DOCK1: variants seen among roughly 807,000 people sequenced by gnomAD.
DOCK1 encodes dedicator of cytokinesis 1.
Under a neutral mutation model 262.7 loss-of-function variants are expected in DOCK1, and 138 were observed. That is an observed-to-expected ratio of 0.53 (90% confidence interval 0.46 to 0.61). The LOEUF (loss-of-function observed/expected upper bound fraction) is 0.61. Among genes scored for constraint, DOCK1 ranks in the 20% least tolerant of loss-of-function variants. The pLI is 0.00. For synonymous variants in DOCK1, 866 were observed against 867.4 expected, an observed-to-expected ratio of 1.00 and a Z score of 0.03; for missense variants, 1,908 against 2,370.7, an observed-to-expected ratio of 0.80 and a Z score of 4.05.
chr10:127,335,906 C>T (rs762188248), intron 29 of DOCK1, among the ~76,000 whole-genome samples: 54 of 151,910 alleles, frequency 3.6e-4, no homozygotes, highest in Admixed American at 1.6e-3. Flanking sequence ...TTAGTAGAGA[C>T]GGGGTTTCAC....
At chr10:127,133,866 T>C (rs940706428) in intron 27 of DOCK1, among the ~76,000 whole-genome samples, 63 of 152,350 alleles carry the variant, frequency 4.1e-4, no homozygotes, top group African/African-American at 1.5e-3. Flanking sequence ...TTACTTTCAG[T>C]AAATAAAGTG....
intron 38 of DOCK1, among the ~76,000 whole-genome samples, chr10:127,385,599 G>A (rs1035934761): frequency 2.6e-5 from 4 of 152,038 alleles, no homozygotes; most frequent in Non-Finnish European, 4.4e-5. Flanking sequence ...AGGTACCGAC[G>A]TTCACATCCT....
At chr10:127,064,644 C>A (rs549085099) in intron 23 of DOCK1, among the ~76,000 whole-genome samples, 1 of 152,214 alleles carries the variant, frequency 6.6e-6, no homozygotes, top group Non-Finnish European at 1.5e-5. Context: ...CCCCGCTCCC[C>A]AGGCGCCCGC....
chr10:127,451,225 A>G, intron 51 of DOCK1, 107 bp from the exon 52 acceptor site: 1 of 1,252,178 alleles, frequency 8.0e-7, no homozygotes. Flanking sequence ...TGTGGGGAGG[A>G]TGGTTCCGGC....
intron 50 of DOCK1, 53 bp from the exon 51 acceptor site, chr10:127,447,341 T>A: frequency 6.3e-7 from 1 of 1,578,096 alleles, no homozygotes; most frequent in Non-Finnish European, 8.6e-7. Context: ...TCCCTGAGCA[T>A]TCAGGCTCCG....
chr10:127,224,888 C>T (rs1313543874), intron 27 of DOCK1, among the ~76,000 whole-genome samples: 1 of 151,838 alleles, frequency 6.6e-6, no homozygotes, highest in Non-Finnish European at 1.5e-5. Context: ...AGGGTCAAGA[C>T]GATGGAGCCA....
At position 126,963,627 on chromosome 10, in the gene DOCK1, TC is replaced by T. The variant is rs2037420115; in HGVS notation, c.47-7072del. Among the ~76,000 whole-genome samples the T allele has an allele frequency of 1.0e-3, 43 of 42,128 alleles. 1 individual carries two copies. The highest frequency in any genetic ancestry group is 0.026 in the Middle Eastern group (1 of 38). 27.6% of individuals were successfully genotyped at this position (42,128 alleles called of 152,430 possible). Reference sequence around the variant, plus strand: ...TCCCTTCCCTTCCCTTCCCTTCCCTTCCCTTCCCTTCCCTCCTTCCTTCCTT... The same window carrying T: ...TCCCTTCCCTTCCCTTCCCTTCCCTTCCTTCCCTTCCCTCCTTCCTTCCTT... On this transcript the variant is annotated intron_variant, in intron 1 of 51. Transcript: ENST00000623213.
At chr10:127,165,738 T>C (rs2054015013) in intron 27 of DOCK1, among the ~76,000 whole-genome samples, 1 of 152,142 alleles carries the variant, frequency 6.6e-6, no homozygotes, top group Admixed American at 6.5e-5. Flanking sequence ...CCAGGCAGGT[T>C]CCTCAAGGAG....
intron 1 of DOCK1, among the ~76,000 whole-genome samples, chr10:126,955,760 A>G (rs1034251355): frequency 1.3e-5 from 2 of 152,110 alleles, no homozygotes; most frequent in Non-Finnish European, 2.9e-5. Context: ...CACGTTGCAC[A>G]GGGGCTGTGA....
intron 29 of DOCK1, among the ~76,000 whole-genome samples, chr10:127,308,522 C>T (rs1027273688): frequency 3.3e-5 from 5 of 152,148 alleles, no homozygotes; most frequent in Non-Finnish European, 7.3e-5. Context: ...TACCTATCAA[C>T]CCATCATCTA....
chr10:127,247,172 C>A (rs1306982669), intron 27 of DOCK1, among the ~76,000 whole-genome samples: 1 of 152,212 alleles, frequency 6.6e-6, no homozygotes, highest in Non-Finnish European at 1.5e-5. Flanking sequence ...CTGGCTGCCT[C>A]CATTTGCAAC....
intron 27 of DOCK1, among the ~76,000 whole-genome samples, chr10:127,211,231 G>A (rs2057958067): frequency 6.6e-6 from 1 of 152,144 alleles, no homozygotes; most frequent in Admixed American, 6.5e-5. Context: ...AGTGCAACTT[G>A]CCAGACAGAT....
At chr10:126,967,397 A>G (rs1369988306) in intron 1 of DOCK1, among the ~76,000 whole-genome samples, 2 of 152,208 alleles carry the variant, frequency 1.3e-5, no homozygotes, top group African/African-American at 4.8e-5. Flanking sequence ...TGGGAACCAC[A>G]GCCCTGGACT....
At chr10:126,988,241 A>G (rs2039552924) in intron 5 of DOCK1, 1 of 152,200 alleles carries the variant, frequency 6.6e-6, no homozygotes, top group South Asian at 2.1e-4. Context: ...CTTTGCACAT[A>G]AATTCATATT....
intron 1 of DOCK1, among the ~76,000 whole-genome samples, chr10:126,965,247 C>T (rs2037575739): frequency 6.6e-6 from 1 of 152,022 alleles, no homozygotes; most frequent in Admixed American, 6.6e-5. Flanking sequence ...TAAAGGCAGG[C>T]CTTGTAGACA....
intron 47 of DOCK1, among the ~76,000 whole-genome samples, chr10:127,430,515 C>A (rs889717480): frequency 6.6e-6 from 1 of 152,134 alleles, no homozygotes; most frequent in Non-Finnish European, 1.5e-5. Context: ...GCAGTTGTGT[C>A]CTTCAGTCTT....
chr10:127,319,168 T>C (rs2062413366), intron 29 of DOCK1, among the ~76,000 whole-genome samples: 1 of 152,224 alleles, frequency 6.6e-6, no homozygotes, highest in Non-Finnish European at 1.5e-5. Flanking sequence ...GTGGTGCAAA[T>C]ACTGATCACA....
intron 27 of DOCK1, among the ~76,000 whole-genome samples, chr10:127,200,151 G>A (rs761117382): frequency 2.0e-5 from 3 of 152,170 alleles, no homozygotes; most frequent in Non-Finnish European, 4.4e-5. Flanking sequence ...CAGATCCCAA[G>A]AGAGGGTTCC....
At chr10:127,310,242 G>A (rs1270289444) in intron 29 of DOCK1, among the ~76,000 whole-genome samples, 4 of 151,988 alleles carry the variant, frequency 2.6e-5, no homozygotes. Context: ...ATGAGAGCCT[G>A]TTGTATGCCA....
Sources: gnomAD v4.1 joint callset for allele counts (sites outside exome capture counted in the v4.1 genomes callset) on GRCh38, gnomAD v4.1.1 for gene constraint, MANE v1.5 for transcripts, NCBI Gene and HGNC (gene_info 2026-07-23, HGNC 2026-07-21) for gene names.